The following VANGL2 variants were observed in gnomAD, a reference collection of about 807,000 sequenced individuals.
VANGL2 encodes vang-like protein 2.
VANGL2 carries 14 observed loss-of-function variants against 50.2 expected under a neutral mutation model. The observed-to-expected ratio is 0.28, with a 90% CI of 0.18 to 0.44. The LOEUF is 0.44. VANGL2 is among the 20% of genes least tolerant of loss of function. VANGL2 has a pLI of 1.00. For synonymous variants in VANGL2, 295 were observed against 297.2 expected (o/e 0.99, Z 0.08); for missense variants, 533 against 701.5 (o/e 0.76, Z 2.71).
chr1:160,400,638 G>C lies in VANGL2; in HGVS notation c.-422G>C, dbSNP rs1481487064. ...TTGGTCCCGCCATGGGAGCCTGAGC[G>C]CCCCCTATTCCCCCCTGGCCCCCAG... On this transcript the variant is annotated 5_prime_UTR_variant, in exon 1 of 8. Transcript: ENST00000368061. 2 of 152,000 alleles carry C rather than the reference G, an allele frequency of 1.3e-5. No homozygotes were observed. The highest frequency in any genetic ancestry group is 2.9e-5 in the Non-Finnish European group (2 of 68,068). The allele number at this position is 152,000 out of a possible 1,614,324, so 9.4% of individuals were successfully genotyped here.
intron 1 of VANGL2, 78 bp from the exon 2 acceptor site, chr1:160,415,570 T>A (rs1651024177): frequency 5.8e-6 from 3 of 516,984 alleles, no homozygotes; most frequent in Admixed American, 6.4e-5. Flanking sequence ...CTGTGGCTGT[T>A]GTGTGCAGAT....
At chr1:160,420,717 T>A (rs1488704881) in intron 5 of VANGL2, among the ~76,000 whole-genome samples, 170 bp downstream of exon 5, 1 of 152,242 alleles carries the variant, frequency 6.6e-6, no homozygotes, top group African/African-American at 2.4e-5. Flanking sequence ...TAGCTGCTCA[T>A]CCTACTTGCT....
In VANGL2 at chr1:160,415,901, A is replaced by G; in HGVS notation, c.64A>G (p.Lys22Glu). 6.2e-7 allele frequency: 1 copy of G among 1,614,156 alleles called. No individual in the cohort carries two copies. Among genetic ancestry groups the G allele is most frequent in the Non-Finnish European group, 8.5e-7 (1 of 1,180,018 alleles). The change falls in exon 2 of 8, where the codon AAG becomes GAG. Residue 22 changes from lysine to glutamate, a missense_variant. Transcript: ENST00000368061. ...YKSGHSRSSR[K>E]HRDRRDRHRS... ...GTCGGGCCACTCCCGCAGCTCCCGC[A>G]AGCACAGGTGGGCAGGCATGCAGGG...
At position 160,424,168 on chromosome 1, in the gene VANGL2, C is replaced by A; in HGVS notation, c.1190C>A (p.Ser397Tyr). The A allele has an allele frequency of 1.2e-6, 2 of 1,614,222 alleles. No individual in the cohort carries two copies. Residue 397 changes from serine (S) to tyrosine (Y), a missense_variant, in exon 7 of 8, where the codon TCC (serine) becomes TAC (tyrosine). Coordinates refer to ENST00000368061, the MANE Select transcript of VANGL2 (RefSeq NM_020335.3). ...PREAAQAIFA[S>Y]MARAMQKYLR... ...GAGGCAGCCCAAGCCATCTTTGCATCCATGGCCCGTGCCATGCAGAAGTAC... is the reference window on the plus strand; with the variant it reads ...GAGGCAGCCCAAGCCATCTTTGCATACATGGCCCGTGCCATGCAGAAGTAC...
chr1:160,408,669 C>T (rs976656286), intron 1 of VANGL2, among the ~76,000 whole-genome samples: 3 of 152,112 alleles, frequency 2.0e-5, no homozygotes, highest in Non-Finnish European at 1.5e-5. Flanking sequence ...TGGGAGAATG[C>T]CTGGTTAACA....
At chr1:160,411,786 G>T (rs1244152649) in intron 1 of VANGL2, among the ~76,000 whole-genome samples, 1 of 152,108 alleles carries the variant, frequency 6.6e-6, no homozygotes, top group Non-Finnish European at 1.5e-5. Flanking sequence ...CCCTTGTCTG[G>T]TTTGAAATTT....
chr1:160,421,163 G>T lies in VANGL2; in HGVS notation c.1049G>T (p.Arg350Leu). Residue 350 changes from arginine (R) to leucine (L), a missense_variant, in exon 6 of 8, where the codon CGA (arginine) becomes CTA (leucine). Arg to Leu is a moderately radical substitution (Grantham distance 102). Transcript: ENST00000368061. ...TACTATGAGGAGGCTGAGCATGAGC[G>T]AAGGGTGCGCAAGAGGAGGGCCAGG... Reference protein sequence around the residue: ...EYYYEEAEHERRVRKRRARLV... With the variant: ...EYYYEEAEHELRVRKRRARLV... 6.2e-7 allele frequency: 1 copy of T among 1,613,858 alleles called. No individual in the cohort carries two copies. The highest frequency in any genetic ancestry group is 8.5e-7 in the Non-Finnish European group (1 of 1,180,048).
chr1:160,417,390 G>C (rs113009802), intron 3 of VANGL2, among the ~76,000 whole-genome samples: 1 of 152,182 alleles, frequency 6.6e-6, no homozygotes, highest in African/African-American at 2.4e-5. Flanking sequence ...GGACTCCTCC[G>C]TGGGATGGCC....
chr1:160,424,039 T>C lies in VANGL2; in HGVS notation c.1074-13T>C. 1 of 1,613,796 alleles carries C rather than the reference T, an allele frequency of 6.2e-7. No homozygotes were observed. Among genetic ancestry groups the C allele is most frequent in the Non-Finnish European group, 8.5e-7 (1 of 1,179,802 alleles). ...GAGGTGGGCATCTGGCCCAGTCCCC[T>C]CCTGTCCCCTAGGCTTGTAGTGGCG... is the stretch of plus-strand genomic sequence containing the variant. On this transcript the variant is annotated splice_polypyrimidine_tract_variant and intron_variant, in intron 6 of 7. Transcript: ENST00000368061.
chr1:160,412,960 G>A (rs572938673), intron 1 of VANGL2, among the ~76,000 whole-genome samples: 4 of 152,284 alleles, frequency 2.6e-5, no homozygotes, highest in East Asian at 1.9e-4. Context: ...ACAGTAACAT[G>A]CTGTACAGGT....
rs1651205173 is a variant in VANGL2 at position 160,419,860 on chromosome 1, G to A, written c.800+251G>A. Reference sequence around the variant, plus strand: ...GATGGGAATGAATAGGCATTTAGAGGTAGGGAATATTAGAGGGGGATGGAC... The same window carrying A: ...GATGGGAATGAATAGGCATTTAGAGATAGGGAATATTAGAGGGGGATGGAC... On this transcript the variant is annotated intron_variant, in intron 4 of 7. Transcript: ENST00000368061. This position sits in a 1 kb window ranked among gnomAD's most constrained non-coding sequence, Gnocchi z 5.8. Among the ~76,000 whole-genome samples, 1 of 147,580 alleles carries A rather than the reference G, an allele frequency of 6.8e-6. No homozygotes were observed. Among genetic ancestry groups the A allele is most frequent in the Admixed American group, 6.8e-5 (1 of 14,804 alleles).
Position 160,419,446 on chromosome 1 carries a change from C to T in VANGL2, c.637C>T (p.Gln213Ter). The change falls in exon 4 of 8, where the codon CAG becomes TAG. Residue 213 changes from glutamine to a stop codon, truncating the protein, a stop_gained. Coordinates refer to ENST00000368061, the MANE Select transcript of VANGL2 (RefSeq NM_020335.3). LOFTEE classifies it high-confidence loss of function. The surrounding 1 kb of genome is among the most constrained non-coding windows in gnomAD (Gnocchi z 5.8). ...CCTGGATGCTCGGGAGCGCAGCTAC[C>T]AGGGCGTGGTGCAGTTCGCCGTGTC... The part of the protein sequence containing the change: ...RILDARERSY[Q>*]GVVQFAVSLV... The T allele has an allele frequency of 1.2e-6, 2 of 1,610,744 alleles. No individual in the cohort carries two copies. Among genetic ancestry groups the T allele is most frequent in the Non-Finnish European group, 1.7e-6 (2 of 1,179,990 alleles).
At chr1:160,408,978 C>T (rs1339821839) in intron 1 of VANGL2, among the ~76,000 whole-genome samples, 3 of 152,228 alleles carry the variant, frequency 2.0e-5, no homozygotes, top group Non-Finnish European at 2.9e-5. Context: ...GATGAAGGAA[C>T]ATCAAGGTTC....
intron 3 of VANGL2, among the ~76,000 whole-genome samples, chr1:160,417,470 C>T (rs979209911): frequency 5.3e-5 from 8 of 152,222 alleles, no homozygotes; most frequent in Non-Finnish European, 8.8e-5. Context: ...TCAGCCTGGC[C>T]ACCTTCTTGC....
chr1:160,419,651 A>G lies in VANGL2; in HGVS notation c.800+42A>G. ...GGAGAAGGGTTGGGAGGGAAAGGGC[A>G]TGGGAGGATGTGGAGTGACTGCTAG... is the stretch of plus-strand genomic sequence containing the variant. On this transcript the variant is annotated intron_variant, in intron 4 of 7. Transcript: ENST00000368061. The surrounding 1 kb of genome is among the most constrained non-coding windows in gnomAD (Gnocchi z 5.8). 1.3e-6 allele frequency: 2 copies of G among 1,592,626 alleles called. No individual in the cohort carries two copies. The highest frequency in any genetic ancestry group is 2.2e-5 in the South Asian group (2 of 90,052).
Position 160,415,654 on chromosome 1 carries a change from C to T in VANGL2, c.-184C>T, listed in dbSNP as rs1171254693. 2.2e-5 allele frequency: 15 copies of T among 679,384 alleles called. No homozygotes were observed. The highest frequency in any genetic ancestry group is 3.0e-5 in the Non-Finnish European group (12 of 398,554). The allele number at this position is 679,384 out of a possible 1,614,324, so 42.1% of individuals were successfully genotyped here. A position where few individuals can be genotyped will look rare whatever the true frequency, so the allele number is the denominator to read the frequency against. On this transcript the variant is annotated 5_prime_UTR_variant, in exon 2 of 8. Coordinates refer to ENST00000368061, the MANE Select transcript of VANGL2 (RefSeq NM_020335.3). Reference sequence around the variant, plus strand: ...AGCTTCTTCCTCTCACCAGGAGCGTCGCTGGATTTTCTCTGAGACAAGCCC... The same window carrying T: ...AGCTTCTTCCTCTCACCAGGAGCGTTGCTGGATTTTCTCTGAGACAAGCCC...
At chr1:160,402,064 A>C (rs1650486432) in intron 1 of VANGL2, among the ~76,000 whole-genome samples, 1 of 152,166 alleles carries the variant, frequency 6.6e-6, no homozygotes, top group African/African-American at 2.4e-5. Flanking sequence ...GTTTAGGGGT[A>C]GTACCTTAAG....
rs545290463 is a variant in VANGL2, at chr1:160,419,040, C to T, written c.231C>T (p.Gly77=). Residue 77 remains glycine, a synonymous_variant, in exon 4 of 8, where the codon GGC becomes GGT. Coordinates refer to ENST00000368061, the MANE Select transcript of VANGL2 (RefSeq NM_020335.3). This position sits in a 1 kb window ranked among gnomAD's most constrained non-coding sequence, Gnocchi z 5.8. ...NWGETTTVVT[G]TSEHSISHDD... The stretch of plus-strand genomic sequence containing the variant: ...GGGAAACGACGACAGTAGTAACGGG[C>T]ACCTCAGAGCACAGCATCTCCCATG... 4.3e-6 allele frequency: 7 copies of T among 1,610,046 alleles called. No individual in the cohort carries two copies. The highest frequency in any genetic ancestry group is 5.9e-6 in the Non-Finnish European group (7 of 1,176,830).
intron 1 of VANGL2, among the ~76,000 whole-genome samples, chr1:160,401,808 G>T (rs1432781261): frequency 6.6e-6 from 1 of 152,032 alleles, no homozygotes; most frequent in Non-Finnish European, 1.5e-5. Flanking sequence ...GTGTGTAAGA[G>T]CAGAATGGAG....
Sources: gnomAD v4.1 joint callset for allele counts (sites outside exome capture counted in the v4.1 genomes callset) on GRCh38, gnomAD v4.1.1 for gene constraint, Gnocchi (gnomAD v3.1) non-coding constraint, MANE v1.5 for transcripts, NCBI Gene and HGNC (gene_info 2026-07-23, HGNC 2026-07-21) for gene names.